Variants in TBXAS1 observed in about 807,000 individuals in gnomAD.
TBXAS1 encodes the protein thromboxane-A synthase.
Under a neutral mutation model 60.7 loss-of-function variants are expected in TBXAS1, and 48 were observed. The observed-to-expected ratio is 0.79, with a 90% CI of 0.63 to 1.01. The LOEUF (loss-of-function observed/expected upper bound fraction) is 1.01. TBXAS1 is among the 50% of genes least tolerant of loss of function. The pLI is 0.00. For missense variants in TBXAS1, 685 were observed against 686.3 expected (o/e 1.00, Z 0.02); for synonymous variants, 287 against 269.7 (o/e 1.06, Z -0.63).
upstream of TBXAS1, among the ~76,000 whole-genome samples, chr7:139,827,028 G>C (rs1037061464): frequency 1.6e-4 from 25 of 151,980 alleles, no homozygotes; most frequent in African/African-American, 5.8e-4. Context: ...ACCCCACCAG[G>C]AACTTCTGCA....
intron 6 of TBXAS1, among the ~76,000 whole-genome samples, chr7:139,953,946 C>T (rs1809633143): frequency 6.6e-6 from 1 of 152,112 alleles, no homozygotes; most frequent in Admixed American, 6.5e-5. Flanking sequence ...CACAAGCAGC[C>T]CAGGATGGCA....
chr7:139,965,878 TA>T (rs1435771630), intron 9 of TBXAS1, among the ~76,000 whole-genome samples: 2 of 151,622 alleles, frequency 1.3e-5, no homozygotes, highest in Non-Finnish European at 2.9e-5. Flanking sequence ...TTCCTTCTTT[TA>T]TTTTTTTAAT....
At chr7:139,879,217 C>T (rs983219851) in intron 3 of TBXAS1, among the ~76,000 whole-genome samples, 1 of 152,232 alleles carries the variant, frequency 6.6e-6, no homozygotes, top group African/African-American at 2.4e-5. Flanking sequence ...CCACCACCAT[C>T]ATCGAGAACA....
chr7:139,814,650 G>A (rs756271629), intron 4 of TBXAS1, among the ~76,000 whole-genome samples: 18 of 152,130 alleles, frequency 1.2e-4, no homozygotes, highest in South Asian at 4.1e-4. Context: ...TTCTAGAGCT[G>A]AGCAACAAGA....
chr7:139,829,498 A>G lies in TBXAS1; in HGVS notation c.89+19A>G, dbSNP rs1161651384. ...TGAAATGGTAAGTGCAGCCAGCCCT[A>G]GGGACTGTGACAGCGTCAGCCGTCT... is the stretch of plus-strand genomic sequence containing the variant. On this transcript the variant is annotated intron_variant, in intron 1 of 12. Coordinates refer to ENST00000448866, the MANE Select transcript of TBXAS1 (RefSeq NM_001061.7). The G allele has an allele frequency of 6.2e-7, 1 of 1,610,458 alleles. No individual in the cohort carries two copies. Among genetic ancestry groups the G allele is most frequent in the Non-Finnish European group, 8.5e-7 (1 of 1,177,890 alleles).
chr7:139,875,080 G>C (rs1802126259), intron 2 of TBXAS1, among the ~76,000 whole-genome samples: 1 of 152,180 alleles, frequency 6.6e-6, no homozygotes, highest in African/African-American at 2.4e-5. Flanking sequence ...GGGTGGCAGA[G>C]CAAAACTCTG....
At chr7:139,981,420 T>A (rs189473824) in intron 9 of TBXAS1, among the ~76,000 whole-genome samples, 1 of 152,342 alleles carries the variant, frequency 6.6e-6, no homozygotes, top group East Asian at 1.9e-4. Context: ...CCGGCCAGGA[T>A]GTTCTGAATA....
upstream of TBXAS1, among the ~76,000 whole-genome samples, chr7:139,824,830 T>TCTTTTC (rs1554469271): frequency 7.8e-6 from 1 of 128,384 alleles, no homozygotes; most frequent in Non-Finnish European, 1.6e-5. Flanking sequence ...TTTCCTTTTC[T>TCTTTTC]TTTTTTTTTT....
intron 1 of TBXAS1, among the ~76,000 whole-genome samples, chr7:139,870,471 C>T (rs1391323167): frequency 6.6e-6 from 1 of 152,130 alleles, no homozygotes; most frequent in Non-Finnish European, 1.5e-5. Flanking sequence ...TGGTAAGTTT[C>T]CTTTGGTCTT....
intron 9 of TBXAS1, among the ~76,000 whole-genome samples, chr7:139,990,926 G>A (rs762682998): frequency 5.3e-5 from 8 of 152,124 alleles, no homozygotes; most frequent in African/African-American, 7.2e-5. Flanking sequence ...GCCTCCCGAC[G>A]GTGCAGGCAC....
At chr7:139,919,379 A>G (rs1806269665) in intron 4 of TBXAS1, among the ~76,000 whole-genome samples, 1 of 152,210 alleles carries the variant, frequency 6.6e-6, no homozygotes, top group Non-Finnish European at 1.5e-5. Context: ...CTGTACTCAC[A>G]TTACAACCAC....
intron 4 of TBXAS1, among the ~76,000 whole-genome samples, chr7:139,927,131 A>G (rs939674526): frequency 6.6e-6 from 1 of 150,426 alleles, no homozygotes; most frequent in Admixed American, 6.6e-5. Context: ...AGTAGCTGGG[A>G]TTACAGGCGT....
intron 4 of TBXAS1, among the ~76,000 whole-genome samples, chr7:139,813,722 C>G (rs1300482558): frequency 6.6e-6 from 1 of 152,178 alleles, no homozygotes; most frequent in African/African-American, 2.4e-5. Flanking sequence ...TCCAGATCTT[C>G]TTTGTAACTA....
intron 5 of TBXAS1, among the ~76,000 whole-genome samples, chr7:139,947,928 G>T (rs1341450710): frequency 6.6e-6 from 1 of 151,626 alleles, no homozygotes; most frequent in Non-Finnish European, 1.5e-5. Context: ...GCAGTGGCGT[G>T]ATCTTGGCTC....
chr7:139,800,874 A>C (rs764972329), intron 4 of TBXAS1, among the ~76,000 whole-genome samples: 13 of 152,150 alleles, frequency 8.5e-5, no homozygotes, highest in Non-Finnish European at 1.9e-4. Flanking sequence ...TTCATGTTTA[A>C]AAACTCATTC....
intron 3 of TBXAS1, among the ~76,000 whole-genome samples, chr7:139,879,488 C>T (rs1802516925): frequency 6.6e-6 from 1 of 152,120 alleles, no homozygotes; most frequent in African/African-American, 2.4e-5. Flanking sequence ...CTTGTTATCT[C>T]CTTCAGGCTG....
At chr7:139,825,623 C>T (rs940366483), upstream of TBXAS1, among the ~76,000 whole-genome samples, 3 of 152,316 alleles carry the variant, frequency 2.0e-5, no homozygotes, top group Admixed American at 6.5e-5. Flanking sequence ...TGCACAGTGC[C>T]ATGTCCACAG....
At chr7:139,961,281 G>A (rs1446737635) in intron 8 of TBXAS1, among the ~76,000 whole-genome samples, 1 of 152,188 alleles carries the variant, frequency 6.6e-6, no homozygotes, top group African/African-American at 2.4e-5. Context: ...CCTACTGTGT[G>A]AGAAAAACTG....
At chr7:140,006,853 A>G (rs1436501731) in intron 9 of TBXAS1, among the ~76,000 whole-genome samples, 1 of 152,102 alleles carries the variant, frequency 6.6e-6, no homozygotes, top group African/African-American at 2.4e-5. Context: ...TTTATAACCA[A>G]ACTTCTCTGT....
Sources: allele counts gnomAD v4.1 joint callset (sites outside exome capture counted in the v4.1 genomes callset), GRCh38; gene constraint gnomAD v4.1.1; transcripts MANE v1.5; gene names NCBI Gene and HGNC (gene_info 2026-07-23, HGNC 2026-07-21).